Variants in GMIP observed in about 807,000 individuals in gnomAD.
The protein encoded by GMIP is GEM-interacting protein.
GMIP carries 54 observed loss-of-function variants against 105.3 expected under a neutral mutation model. That is an observed-to-expected ratio of 0.51 (90% CI 0.41 to 0.64). GMIP has a LOEUF of 0.64. Ranked by LOEUF, GMIP falls within the 30% of genes least tolerant of loss-of-function variation. GMIP has a pLI of 0.00. For missense variants in GMIP, 1,110 were observed against 1,319.4 expected (o/e 0.84, Z 2.46); for synonymous variants, 541 against 560.8 (o/e 0.96, Z 0.50).
intron 4 of GMIP, 22 bp downstream of exon 4, chr19:19,641,788 C>T (rs775486142): frequency 6.4e-7 from 1 of 1,573,898 alleles, no homozygotes; most frequent in Non-Finnish European, 8.7e-7. Context: ...TCCCCACTGT[C>T]CTGGCCTCCA....
Position 19,629,968 on chromosome 19 carries a change from G to C in GMIP, c.2908C>G (p.Leu970Val). 1 of 1,608,430 alleles carries C rather than the reference G, an allele frequency of 6.2e-7. No individual in the cohort carries two copies. ...DVQPEEAEDH[L>V] ...TATTTAAGGTGCCAGGGTGGTCAGAGATGGTCCTCGGCTTCCTCAGGCTGG... is the reference window on the plus strand; with the variant it reads ...TATTTAAGGTGCCAGGGTGGTCAGACATGGTCCTCGGCTTCCTCAGGCTGG... The change falls in exon 21 of 21, where the codon CTC becomes GTC. Residue 970 changes from leucine (L) to valine (V), a missense_variant. Physicochemically the swap from Leu to Val is conservative, Grantham distance 32. This residue lies in a region of GMIP where 394 missense variants were observed against 450.5 expected (regional missense o/e 0.87). Coordinates refer to ENST00000203556, the MANE Select transcript of GMIP (RefSeq NM_016573.4).
chr19:19,632,613 G>A (rs577410737), intron 19 of GMIP, among the ~76,000 whole-genome samples: 1 of 152,328 alleles, frequency 6.6e-6, no homozygotes, highest in East Asian at 1.9e-4. Context: ...TGTTTAATCT[G>A]TAAATGATTT....
chr19:19,637,426 C>T lies in GMIP; in HGVS notation c.1063G>A (p.Glu355Lys). 2 of 1,490,036 alleles carry T rather than the reference C, an allele frequency of 1.3e-6. No homozygotes were observed. The highest frequency in any genetic ancestry group is 5.2e-5 in the East Asian group (2 of 38,302). The allele number at this position is 1,490,036 out of a possible 1,614,324, so 92.3% of individuals were successfully genotyped here. A position where few individuals can be genotyped will look rare whatever the true frequency, so the allele number is the denominator to read the frequency against. Residue 355 changes from glutamate (E) to lysine (K), a missense_variant, in exon 11 of 21, where the codon GAG becomes AAG. Glu to Lys is a moderately conservative substitution (Grantham distance 56). Transcript: ENST00000203556. The surrounding 1 kb of genome is among the most constrained non-coding windows in gnomAD (Gnocchi z 6.7). ...GCGGGCGGCGGGGGCGGCGGGGCCT[C>T]GGGCCGCAGCGCCCGTACAAACTCC... ...YQEFVRALRP[E>K]APPPPPPAFS...
In GMIP at chr19:19,636,982, C is replaced by T. The variant is rs150488148; in HGVS notation, c.1172G>A (p.Arg391Lys). Residue 391 changes from arginine (R) to lysine (K), a missense_variant, in exon 12 of 21, where the codon AGG becomes AAG. Coordinates refer to ENST00000203556, the MANE Select transcript of GMIP (RefSeq NM_016573.4). ...RKKLSGPLPP[R>K]LDENSAEPGP... ...TGGCTCAGCTGAATTCTCATCCAGC[C>T]TTGGAGGAAGAGGCCCAGAGAGCTT... The T allele has an allele frequency of 4.0e-5, 63 of 1,584,194 alleles. No individual in the cohort carries two copies. The highest frequency in any genetic ancestry group is 5.2e-5 in the Non-Finnish European group (60 of 1,164,324).
intron 19 of GMIP, 59 bp downstream of exon 19, chr19:19,633,744 T>G (rs1037793090): frequency 4.3e-5 from 51 of 1,197,044 alleles, no homozygotes; most frequent in Admixed American, 1.7e-4. Context: ...AAAGAGAAGG[T>G]AAGAGAATTG....
rs757136314 is a variant in GMIP at position 19,637,610 on chromosome 19, G to C, written c.928-49C>G. The C allele has an allele frequency of 2.9e-6, 4 of 1,397,602 alleles. No homozygotes were observed. The highest frequency in any genetic ancestry group is 3.8e-6 in the Non-Finnish European group (4 of 1,055,516). The allele number at this position is 1,397,602 out of a possible 1,614,324, so 86.6% of individuals were successfully genotyped here. A position where few individuals can be genotyped will look rare whatever the true frequency, so the allele number is the denominator to read the frequency against. ...GGGGAGGGGCGGAGCCTGGGAGCCT[G>C]GGGGCAGGGCCAGAGCTGGGGCGGG... is the stretch of plus-strand genomic sequence containing the variant. On this transcript the variant is annotated intron_variant, in intron 10 of 20. Transcript: ENST00000203556. The surrounding 1 kb of genome is among the most constrained non-coding windows in gnomAD (Gnocchi z 6.7).
chr19:19,635,239 G>C lies in GMIP; in HGVS notation c.1561-26C>G. The C allele has an allele frequency of 1.9e-6, 3 of 1,595,920 alleles. No individual in the cohort carries two copies. The East Asian group carries it at 6.7e-5, about 36-fold the overall frequency. On this transcript the variant is annotated intron_variant, in intron 15 of 20. Transcript: ENST00000203556. This position sits in a 1 kb window ranked among gnomAD's most constrained non-coding sequence, Gnocchi z 4.7. ...CTGTGGGGAAGGTCACAGGGACAGG[G>C]AGGTCATTAGGGACCAGTAGGGGAA...
intron 19 of GMIP, among the ~76,000 whole-genome samples, chr19:19,631,861 G>T (rs1193904326): frequency 6.6e-6 from 1 of 152,012 alleles, no homozygotes; most frequent in East Asian, 1.9e-4. Context: ...GGTGGCGGGT[G>T]CCTGTAGTCC....
intron 13 of GMIP, 136 bp downstream of exon 13, chr19:19,636,567 AAAAG>A: frequency 3.0e-6 from 2 of 671,944 alleles, no homozygotes; most frequent in Non-Finnish European, 5.3e-6. Flanking sequence ...AAAAGGTAAA[AAAAG>A]AGGTTGAGGA....
At position 19,630,958 on chromosome 19, in the gene GMIP, T is replaced by C. The variant is rs960256994; in HGVS notation, c.2473-421A>G. 1.6e-4 allele frequency among the ~76,000 whole-genome samples: 24 copies of C among 151,666 alleles called. No homozygotes were observed. The highest frequency in any genetic ancestry group is 2.9e-5 in the Non-Finnish European group (2 of 67,930). ...GTGCATGCCTGTAATCCCAGCACTTTGGGAGGCTGAGGTTGGTGGATTATC... is the reference window on the plus strand; with the variant it reads ...GTGCATGCCTGTAATCCCAGCACTTCGGGAGGCTGAGGTTGGTGGATTATC... On this transcript the variant is annotated intron_variant, in intron 19 of 20. Transcript: ENST00000203556. The surrounding 1 kb of genome is among the most constrained non-coding windows in gnomAD (Gnocchi z 4.8).
At position 19,634,168 on chromosome 19, in the gene GMIP, T is replaced by C. The variant is rs761291887; in HGVS notation, c.2107A>G (p.Asn703Asp). The C allele has an allele frequency of 1.9e-6, 3 of 1,602,816 alleles. No individual in the cohort carries two copies. The highest frequency in any genetic ancestry group is 2.6e-6 in the Non-Finnish European group (3 of 1,172,452). ...CCCAGGTTGTTGGCAGACATCTTGT[T>C]TTCCATAAATCGTGCAGCCACCCTG... is the stretch of plus-strand genomic sequence containing the variant. ...LFRVAARFME[N>D]KMSANNLGIV... is the part of the protein sequence containing the mutation. The change falls in exon 19 of 21, where the codon AAC becomes GAC. Residue 703 changes from asparagine (N) to aspartate (D), a missense_variant. Coordinates refer to ENST00000203556, the MANE Select transcript of GMIP (RefSeq NM_016573.4). This position sits in a 1 kb window ranked among gnomAD's most constrained non-coding sequence, Gnocchi z 6.1.
rs772226597 is a variant in GMIP, at chr19:19,638,334, G to T, written c.619-5C>A. The T allele has an allele frequency of 2.5e-6, 4 of 1,613,916 alleles. No individual in the cohort carries two copies. The African/African-American group carries it at 5.3e-5, about 22-fold the overall frequency. ...CAGTGCCTGCACCGCCTCATTCTGG[G>T]GGATGATGAGAAGGTCAGCGTCCCG... On this transcript the variant is annotated splice_region_variant and splice_polypyrimidine_tract_variant and intron_variant, in intron 8 of 20. Transcript: ENST00000203556.
chr19:19,639,228 C>T (rs2061891969), intron 7 of GMIP, among the ~76,000 whole-genome samples: 2 of 151,726 alleles, frequency 1.3e-5, no homozygotes, highest in South Asian at 4.2e-4. Flanking sequence ...TGCACCAGGC[C>T]CAGCTAATTA....
chr19:19,635,567 G>C lies in GMIP; in HGVS notation c.1408C>G (p.Leu470Val), dbSNP rs2061845489. 3.1e-6 allele frequency: 5 copies of C among 1,613,738 alleles called. No homozygotes were observed. Among genetic ancestry groups the C allele is most frequent in the Admixed American group, 1.7e-5 (1 of 59,998 alleles). The change falls in exon 15 of 21, where the codon CTG becomes GTG. Residue 470 changes from leucine (L) to valine (V), a missense_variant and splice_region_variant. Leu to Val is a conservative substitution (Grantham distance 32, BLOSUM62 1). Transcript: ENST00000203556. The surrounding 1 kb of genome is among the most constrained non-coding windows in gnomAD (Gnocchi z 4.7). ...SDDFEERDPD[L>V]GDGLENGLGS... is the part of the protein sequence containing the mutation. ...AGCCCATTCTCCAGCCCGTCTCCCA[G>C]GTCTGCAGGGAGACAGGGTCAGGAG... is the stretch of plus-strand genomic sequence containing the variant.
At position 19,637,056 on chromosome 19, in the gene GMIP, G is replaced by C. The variant is rs757501394; in HGVS notation, c.1125-27C>G. On this transcript the variant is annotated intron_variant, in intron 11 of 20. Coordinates refer to ENST00000203556, the MANE Select transcript of GMIP (RefSeq NM_016573.4). The surrounding 1 kb of genome is among the most constrained non-coding windows in gnomAD (Gnocchi z 6.7). ...TGAGAAGACAGAAGTTTGAAGGTTTGAATCCCAGGAAACTGGCCTGGGGTG... is the reference window on the plus strand; with the variant it reads ...TGAGAAGACAGAAGTTTGAAGGTTTCAATCCCAGGAAACTGGCCTGGGGTG... The C allele has an allele frequency of 6.8e-6, 10 of 1,472,624 alleles. No individual in the cohort carries two copies. Among genetic ancestry groups the C allele is most frequent in the Non-Finnish European group, 8.4e-6 (9 of 1,075,148 alleles). The allele number at this position is 1,472,624 out of a possible 1,614,324, so 91.2% of individuals were successfully genotyped here. A position where few individuals can be genotyped will look rare whatever the true frequency, so the allele number is the denominator to read the frequency against.
At chr19:19,638,113 G>C in intron 9 of GMIP, 46 bp downstream of exon 9, 1 of 1,556,738 alleles carries the variant, frequency 6.4e-7, no homozygotes, top group South Asian at 1.2e-5. Context: ...AGAGTGGAGG[G>C]CAGGGGGCGC....
At chr19:19,636,289 G>A (rs914958249) in intron 13 of GMIP, among the ~76,000 whole-genome samples, 2 of 151,962 alleles carry the variant, frequency 1.3e-5, no homozygotes, top group African/African-American at 2.4e-5. Flanking sequence ...TTGGGAGACC[G>A]AGGCAGGTGG....
Position 19,637,518 on chromosome 19 carries a change from C to T in GMIP, c.971G>A (p.Arg324His), listed in dbSNP as rs2061867960. Reference protein sequence around the residue: ...LFGLRGAQAERGPRAFAALAE... With the variant: ...LFGLRGAQAEHGPRAFAALAE... ...CAGGGCGGCGAAGGCGCGGGGGCCA[C>T]GCTCTGCCTGCGCCCCCCGCAGCCC... is the stretch of plus-strand genomic sequence containing the variant. Residue 324 changes from arginine to histidine, a missense_variant, in exon 11 of 21, where the codon CGT (arginine) becomes CAT (histidine). Coordinates refer to ENST00000203556, the MANE Select transcript of GMIP (RefSeq NM_016573.4). This position sits in a 1 kb window ranked among gnomAD's most constrained non-coding sequence, Gnocchi z 6.7. 2 of 1,537,260 alleles carry T rather than the reference C, an allele frequency of 1.3e-6. No homozygotes were observed. Among genetic ancestry groups the T allele is most frequent in the Non-Finnish European group, 1.7e-6 (2 of 1,143,460 alleles).
In GMIP at chr19:19,642,410, T is replaced by C. The variant is rs189783434; in HGVS notation, c.104+125A>G. The C allele has an allele frequency of 8.1e-5, 56 of 687,798 alleles. 1 individual carries two copies. In the African/African-American group the frequency reaches 9.4e-4, roughly 12 times the overall value. 42.6% of individuals were successfully genotyped at this position (687,798 alleles called of 1,614,324 possible). ...CATTTTGGAGGGTCCCATCCTAGAC[T>C]TCTCTGGTTATTAGGTATGTAGGTC... On this transcript the variant is annotated intron_variant, in intron 2 of 20. Transcript: ENST00000203556.
Sources: allele counts gnomAD v4.1 joint callset (sites outside exome capture counted in the v4.1 genomes callset), GRCh38; gene constraint gnomAD v4.1.1; regional missense constraint gnomAD v4.1.1; non-coding constraint Gnocchi (gnomAD v3.1); transcripts MANE v1.5; gene names NCBI Gene and HGNC (gene_info 2026-07-23, HGNC 2026-07-21).